Variants in PRRC2B observed in about 807,000 individuals in gnomAD.
PRRC2B encodes proline rich coiled-coil 2B.
PRRC2B carries 68 observed loss-of-function variants against 242.3 expected under a neutral mutation model. The observed-to-expected ratio is 0.28, with a 90% CI of 0.23 to 0.34. The LOEUF is 0.34. Ranked by LOEUF, PRRC2B falls within the 10% of genes least tolerant of loss-of-function variation. The pLI is 1.00. For synonymous variants in PRRC2B, 1,228 were observed against 1,173.6 expected (o/e 1.05, Z -0.95); for missense variants, 2,835 against 2,954.8 (o/e 0.96, Z 0.94).
chr9:131,484,357 T>C (rs1010358351), intron 23 of PRRC2B, among the ~76,000 whole-genome samples: 6 of 152,136 alleles, frequency 3.9e-5, no homozygotes, highest in Non-Finnish European at 7.4e-5. Flanking sequence ...GAGGGCACTA[T>C]GGAGTGTGGA....
chr9:131,472,004 C>G (rs993305585), intron 14 of PRRC2B, among the ~76,000 whole-genome samples: 1 of 152,204 alleles, frequency 6.6e-6, no homozygotes, highest in Non-Finnish European at 1.5e-5. Flanking sequence ...CTTTGTCTAT[C>G]TGGAGGCATA....
In PRRC2B at chr9:131,494,268, G is replaced by T; in HGVS notation, c.6474-137G>T. On this transcript the variant is annotated intron_variant, in intron 30 of 31. Coordinates refer to ENST00000683519, the MANE Select transcript of PRRC2B (RefSeq NM_013318.4). The surrounding 1 kb of genome is among the most constrained non-coding windows in gnomAD (Gnocchi z 4.3). ...GTCTGTGGTTGTTTTCCATCCAAGA[G>T]ATCCACGGACCGTCCCGAGTGAGCG... 1.7e-6 allele frequency: 1 copy of T among 600,804 alleles called. No homozygotes were observed. The highest frequency in any genetic ancestry group is 3.0e-6 in the Non-Finnish European group (1 of 336,226). The allele number at this position is 600,804 out of a possible 1,614,324, so 37.2% of individuals were successfully genotyped here.
Position 131,476,439 on chromosome 9 carries a change from C to T in PRRC2B, c.4310C>T (p.Pro1437Leu), listed in dbSNP as rs768862049. The T allele has an allele frequency of 2.2e-5, 36 of 1,612,628 alleles. No homozygotes were observed. The highest frequency in any genetic ancestry group is 3.1e-5 in the Non-Finnish European group (36 of 1,179,492). The change falls in exon 16 of 32, where the codon CCG becomes CTG. Residue 1437 changes from proline (P) to leucine (L), a missense_variant. Pro to Leu is a moderately conservative substitution (Grantham distance 98). Coordinates refer to ENST00000683519, the MANE Select transcript of PRRC2B (RefSeq NM_013318.4). ...VVDRQSRKLE[P>L]GGFGEKPVRP... The stretch of plus-strand genomic sequence containing the variant: ...GACAGACAGAGCCGAAAGCTGGAGC[C>T]GGGAGGGTTTGGGGAGAAGCCCGTT...
In PRRC2B at chr9:131,450,160, T is replaced by C. The variant is rs570781127; in HGVS notation, c.1120+2356T>C. ...CCAACTTTGTCGTTTTCCAAGATTG[T>C]TTCCACATAAATTTAGAATCAACCT... On this transcript the variant is annotated intron_variant, in intron 9 of 31. Transcript: ENST00000683519. 1.4e-4 allele frequency among the ~76,000 whole-genome samples: 22 copies of C among 152,326 alleles called. No individual in the cohort carries two copies. In the South Asian group the frequency reaches 3.3e-3, roughly 23 times the overall value.
chr9:131,444,053 G>A (rs1277008150), intron 5 of PRRC2B, 132 bp from the exon 6 acceptor site: 8 of 1,006,790 alleles, frequency 7.9e-6, no homozygotes, highest in African/African-American at 4.8e-5. Context: ...TGCCAGCACA[G>A]AGCACCCTTG....
rs111560750 is a variant in PRRC2B at position 131,374,716 on chromosome 9, G to C, written c.-56+985G>C. The stretch of plus-strand genomic sequence containing the variant: ...TAATTTTTGTATTTTTAGTAGAGAC[G>C]GGGTTTCTCCATGTTGGCCAGTCTG... On this transcript the variant is annotated intron_variant, in intron 1 of 1. Coordinates refer to the PRRC2B transcript ENST00000682525. 2.6e-3 allele frequency among the ~76,000 whole-genome samples: 395 copies of C among 152,106 alleles called. 3 individuals carry two copies. The highest frequency in any genetic ancestry group is 9.1e-3 in the African/African-American group (376 of 41,514).
chr9:131,396,575 C>G (rs140612024), intron 1 of PRRC2B, among the ~76,000 whole-genome samples: 6,161 of 152,284 alleles, frequency 0.04, 186 homozygotes, highest in Non-Finnish European at 0.06. Flanking sequence ...ATTTGCCTGC[C>G]TTGGCCTCCC....
At chr9:131,470,766 G>C (rs1564294308) in intron 13 of PRRC2B, 22 bp from the exon 14 acceptor site, 1 of 1,577,876 alleles carries the variant, frequency 6.3e-7, no homozygotes, top group Non-Finnish European at 8.7e-7. Flanking sequence ...GCCTGACCAA[G>C]TCTCTCTCTC....
At chr9:131,467,239 T>G (rs1029963866) in intron 12 of PRRC2B, among the ~76,000 whole-genome samples, 5 of 152,174 alleles carry the variant, frequency 3.3e-5, no homozygotes, top group African/African-American at 9.7e-5. Flanking sequence ...CCGGCCTTAT[T>G]AGTCCTTTTT....
rs1564287263 is a variant in PRRC2B, at chr9:131,448,544, A to AAAAAAAAAAAAAAAAAAC, written c.1120+757_1120+758insCAAAAAAAAAAAAAAAAA. On this transcript the variant is annotated intron_variant, in intron 9 of 31. Transcript: ENST00000683519. ...GGGCGACAGAGGGAGACACTGTCTCAAAAAAAAAAAAAAAAAAAAAAAAAA... is the reference window on the plus strand; with the variant it reads ...GGGCGACAGAGGGAGACACTGTCTCAAAAAAAAAAAAAAAAAACAAAAAAAAAAAAAAAAAAAAAAAAA... Among the ~76,000 whole-genome samples, 49 of 84,610 alleles carry AAAAAAAAAAAAAAAAAAC rather than the reference A, an allele frequency of 5.8e-4. 10 individuals are homozygous for AAAAAAAAAAAAAAAAAAC. Among genetic ancestry groups the AAAAAAAAAAAAAAAAAAC allele is most frequent in the African/African-American group, 2.0e-3 (37 of 18,258 alleles). The allele number at this position is 84,610 out of a possible 152,430, so 55.5% of individuals were successfully genotyped here.
At chr9:131,384,198 A>C (rs1836799716) in intron 1 of PRRC2B, among the ~76,000 whole-genome samples, 1 of 146,780 alleles carries the variant, frequency 6.8e-6, no homozygotes, top group African/African-American at 2.5e-5. Flanking sequence ...TGCTCAAGCG[A>C]TTCTCATCCC....
In PRRC2B at chr9:131,462,604, C is replaced by T. The variant is rs576894531; in HGVS notation, c.1405-2159C>T. Among the ~76,000 whole-genome samples the T allele has an allele frequency of 5.3e-5, 8 of 151,714 alleles. No homozygotes were observed. The South Asian group carries it at 1.7e-3, about 32-fold the overall frequency. Reference sequence around the variant, plus strand: ...CCTGTAATCCCAGCACTTTGGGAGGCCGAGGCGGGTGGATCACGAGGTCAG... The same window carrying T: ...CCTGTAATCCCAGCACTTTGGGAGGTCGAGGCGGGTGGATCACGAGGTCAG... On this transcript the variant is annotated intron_variant, in intron 11 of 31. Transcript: ENST00000683519.
intron 1 of PRRC2B, among the ~76,000 whole-genome samples, chr9:131,376,743 G>C (rs1256556784): frequency 1.3e-5 from 2 of 152,108 alleles, no homozygotes; most frequent in African/African-American, 4.8e-5. Context: ...TTTTGTGCTG[G>C]TGCCTATAAT....
intron 6 of PRRC2B, among the ~76,000 whole-genome samples, chr9:131,445,610 G>A (rs1838774685): frequency 6.6e-6 from 1 of 152,226 alleles, no homozygotes; most frequent in Non-Finnish European, 1.5e-5. Flanking sequence ...CATGGACAGA[G>A]GGGTGACCTT....
intron 1 of PRRC2B, among the ~76,000 whole-genome samples, chr9:131,405,591 T>C (rs1041230937): frequency 2.0e-5 from 3 of 152,058 alleles, no homozygotes; most frequent in Non-Finnish European, 4.4e-5. Context: ...GATCACACCA[T>C]TGGTTGAAGT....
rs1170952997 is a variant in PRRC2B, at chr9:131,483,437, G to C, written c.5452G>C (p.Ala1818Pro). Residue 1818 changes from alanine (A) to proline (P), a missense_variant, in exon 23 of 32, where the codon GCC (alanine) becomes CCC (proline). Coordinates refer to ENST00000683519, the MANE Select transcript of PRRC2B (RefSeq NM_013318.4). ...AGTTGTTAAACTTCAGGATGCCTTG[G>C]CCAGTAATGTAAGTCCACACTTCCA... ...SPVVKLQDAL[A>P]SNAGLTQSIP... 26 of 1,613,696 alleles carry C rather than the reference G, an allele frequency of 1.6e-5. No homozygotes were observed. Among genetic ancestry groups the C allele is most frequent in the Non-Finnish European group, 1.9e-5 (23 of 1,179,858 alleles).
rs1279734999 is a variant in PRRC2B, at chr9:131,456,556, G to A, written c.1211+1390G>A. Among the ~76,000 whole-genome samples the A allele has an allele frequency of 3.3e-5, 5 of 151,788 alleles. No individual in the cohort carries two copies. The South Asian group carries it at 8.3e-4, about 25-fold the overall frequency. On this transcript the variant is annotated intron_variant, in intron 10 of 31. Coordinates refer to ENST00000683519, the MANE Select transcript of PRRC2B (RefSeq NM_013318.4). ...TGAGGCAGGAGAATGGCATGAACCC[G>A]GGAGGCGGAGCTTGCAGTGAGCCGA... is the stretch of plus-strand genomic sequence containing the variant.
intron 4 of PRRC2B, 71 bp downstream of exon 4, chr9:131,436,793 A>G: frequency 1.6e-6 from 2 of 1,276,862 alleles, no homozygotes; most frequent in Non-Finnish European, 2.2e-6. Flanking sequence ...TTGCTGGGGG[A>G]TGGAAGGAGT....
chr9:131,479,814 T>C (rs1019591991), intron 19 of PRRC2B, among the ~76,000 whole-genome samples: 3 of 152,102 alleles, frequency 2.0e-5, no homozygotes, highest in Non-Finnish European at 4.4e-5. Context: ...TTTCTTAACA[T>C]GGGGAAGGCT....
Sources: allele counts gnomAD v4.1 joint callset (sites outside exome capture counted in the v4.1 genomes callset), GRCh38; gene constraint gnomAD v4.1.1; non-coding constraint Gnocchi (gnomAD v3.1); transcripts MANE v1.5; gene names NCBI Gene and HGNC (gene_info 2026-07-23, HGNC 2026-07-21).